DCHS1: variants seen among roughly 807,000 people sequenced by gnomAD.
DCHS1 encodes protocadherin-16.
A neutral mutation model predicts 213.9 loss-of-function variants in DCHS1; 78 were observed. The observed-to-expected ratio is 0.36, with a 90% confidence interval of 0.30 to 0.44. The LOEUF (loss-of-function observed/expected upper bound fraction) is 0.44, where lower values mean the gene tolerates loss of function less well. Among genes scored for constraint, DCHS1 ranks in the 20% least tolerant of loss-of-function variants. DCHS1 has a pLI of 1.00. For missense variants in DCHS1, 3,946 were observed against 4,395.9 expected (o/e 0.90, Z 2.89); for synonymous variants, 1,828 against 1,873.7 (o/e 0.98, Z 0.63).
rs753851501 is a variant in DCHS1 at position 6,626,662 on chromosome 11, G to T, written c.6254C>A (p.Thr2085Asn). Reference protein sequence around the residue: ...ATIRENAPPGTPIVSPRAVHA... With the variant: ...ATIRENAPPGNPIVSPRAVHA... ...GACGGCCCTGGGGGAGACAATAGGA[G>T]TCCCTGCAGAAAGAACGGTATTGTT... Residue 2085 changes from threonine (T) to asparagine (N), a missense_variant, in exon 15 of 21, where the codon ACT becomes AAT. Physicochemically the swap from Thr to Asn is moderately conservative, Grantham distance 65. Transcript: ENST00000299441. The surrounding 1 kb of genome is among the most constrained non-coding windows in gnomAD (Gnocchi z 5.2). The T allele has an allele frequency of 6.8e-6, 11 of 1,613,884 alleles. No homozygotes were observed. Among genetic ancestry groups the T allele is most frequent in the Non-Finnish European group, 9.3e-6 (11 of 1,179,838 alleles).
intron 10 of DCHS1, 30 bp from the exon 11 acceptor site, chr11:6,629,941 G>C (rs747469308): frequency 6.8e-6 from 11 of 1,606,328 alleles, no homozygotes; most frequent in African/African-American, 1.3e-5. Flanking sequence ...GGTTGGTGGG[G>C]ACCCCAACAC....
chr11:6,622,828 C>G lies in DCHS1; in HGVS notation c.8848G>C (p.Val2950Leu), dbSNP rs1403716331. 8.2e-6 allele frequency: 13 copies of G among 1,594,894 alleles called. No homozygotes were observed. The highest frequency in any genetic ancestry group is 1.7e-4 in the Middle Eastern group (1 of 6,058). Residue 2950 changes from valine to leucine, a missense_variant, in exon 21 of 21, where the codon GTG (valine) becomes CTG (leucine). Coordinates refer to ENST00000299441, the MANE Select transcript of DCHS1 (RefSeq NM_003737.4). The surrounding 1 kb of genome is among the most constrained non-coding windows in gnomAD (Gnocchi z 5.4). ...AVAASLGVVV[V>L]LALAALVLGL... ...AGGACCAGGGCTGCCAGTGCAAGCA[C>G]CACCACAACTCCCAAGGAGGCTGCC...
chr11:6,632,187 G>A lies in DCHS1; in HGVS notation c.3325C>T (p.Pro1109Ser). 6.2e-7 allele frequency: 1 copy of A among 1,601,842 alleles called. No homozygotes were observed. The highest frequency in any genetic ancestry group is 8.5e-7 in the Non-Finnish European group (1 of 1,170,934). Reference sequence around the variant, plus strand: ...TTCTCAGCCACAGCCAGGAAGGTGGGATCCTCAGACAAGCGGGGACTGTGT... The same window carrying A: ...TTCTCAGCCACAGCCAGGAAGGTGGAATCCTCAGACAAGCGGGGACTGTGT... ...NEHSPRLSEDPTFLAVAENQP... is the reference protein window; with the variant it reads ...NEHSPRLSEDSTFLAVAENQP... The change falls in exon 6 of 21, where the codon CCC becomes TCC. Residue 1109 changes from proline (P) to serine (S), a missense_variant. This residue lies in a region of DCHS1 where 3,384 missense variants were observed against 3,780.1 expected (regional missense o/e 0.90). Coordinates refer to ENST00000299441, the MANE Select transcript of DCHS1 (RefSeq NM_003737.4). This position sits in a 1 kb window ranked among gnomAD's most constrained non-coding sequence, Gnocchi z 5.9.
chr11:6,655,056 TCA>T (rs1455060048), intron 1 of DCHS1, among the ~76,000 whole-genome samples: 1 of 151,942 alleles, frequency 6.6e-6, no homozygotes, highest in African/African-American at 2.4e-5. Context: ...TTCTCCCCAC[TCA>T]GTTTCTTTGT....
Position 6,630,489 on chromosome 11 carries a change from G to C in DCHS1, c.4305C>G (p.Ala1435=). 1 of 1,536,372 alleles carries C rather than the reference G, an allele frequency of 6.5e-7. No homozygotes were observed. Among genetic ancestry groups the C allele is most frequent in the Non-Finnish European group, 8.7e-7 (1 of 1,147,738 alleles). The change falls in exon 10 of 21, where the codon GCC becomes GCG. Residue 1435 remains alanine, a synonymous_variant. Transcript: ENST00000299441. The part of the protein sequence containing the change: ...QVQDENEHAP[A]FARDPLALAL... Reference sequence around the variant, plus strand: ...CCAGCGCCAGCGGGTCGCGCGCAAAGGCGGGCGCATGCTCATTCTCGTCCT... The same window carrying C: ...CCAGCGCCAGCGGGTCGCGCGCAAACGCGGGCGCATGCTCATTCTCGTCCT...
chr11:6,642,453 C>A (rs1018966039), intron 1 of DCHS1, among the ~76,000 whole-genome samples: 3 of 152,196 alleles, frequency 2.0e-5, no homozygotes, highest in South Asian at 2.1e-4. Context: ...TCAGGGAGTC[C>A]GTGTTTTGCC....
Position 6,626,811 on chromosome 11 carries a change from C to T in DCHS1, c.6228G>A (p.Thr2076=), listed in dbSNP as rs771508848. Residue 2076 remains threonine, a synonymous_variant, in exon 14 of 21, where the codon ACG becomes ACA. Coordinates refer to ENST00000299441, the MANE Select transcript of DCHS1 (RefSeq NM_003737.4). The surrounding 1 kb of genome is among the most constrained non-coding windows in gnomAD (Gnocchi z 5.2). ...CACCTGGGGGCGCATTCTCACGAATCGTAGCCTCACTGCTAGCCCGGGGAA... is the reference window on the plus strand; with the variant it reads ...CACCTGGGGGCGCATTCTCACGAATTGTAGCCTCACTGCTAGCCCGGGGAA... ...PRFPRASSEA[T]IRENAPPGTP... 12 of 1,612,788 alleles carry T rather than the reference C, an allele frequency of 7.4e-6. No homozygotes were observed. Among genetic ancestry groups the T allele is most frequent in the South Asian group, 2.2e-5 (2 of 91,076 alleles).
In DCHS1 at chr11:6,641,047, C is replaced by A. The variant is rs1287130494; in HGVS notation, c.567G>T (p.Glu189Asp). ...GYALSGDGAG[E>D]TFRLETRPGP... ...CGGGGCGTGTCTCCAGCCGGAAGGT[C>A]TCTCCAGCCCCATCACCAGATAGCG... is the stretch of plus-strand genomic sequence containing the variant. The change falls in exon 2 of 21, where the codon GAG (glutamate) becomes GAT (aspartate). Residue 189 changes from glutamate (E) to aspartate (D), a missense_variant. Glu to Asp is a conservative substitution (Grantham distance 45). Coordinates refer to ENST00000299441, the MANE Select transcript of DCHS1 (RefSeq NM_003737.4). This position sits in a 1 kb window ranked among gnomAD's most constrained non-coding sequence, Gnocchi z 7.1. The A allele has an allele frequency of 3.1e-6, 5 of 1,614,008 alleles. No individual in the cohort carries two copies. Among genetic ancestry groups the A allele is most frequent in the Non-Finnish European group, 4.2e-6 (5 of 1,179,888 alleles).
intron 1 of DCHS1, among the ~76,000 whole-genome samples, chr11:6,649,996 T>G (rs1856221618): frequency 6.6e-6 from 1 of 152,102 alleles, no homozygotes; most frequent in Non-Finnish European, 1.5e-5. Context: ...ACAACTCTCT[T>G]AAGGAGATAC....
chr11:6,628,540 C>T lies in DCHS1; in HGVS notation c.5371+81G>A, dbSNP rs916019787. 9.3e-6 allele frequency: 14 copies of T among 1,508,348 alleles called. No homozygotes were observed. In the African/African-American group the frequency reaches 1.6e-4, roughly 18 times the overall value. 93.4% of individuals were successfully genotyped at this position (1,508,348 alleles called of 1,614,324 possible). On this transcript the variant is annotated intron_variant, in intron 13 of 20. Coordinates refer to ENST00000299441, the MANE Select transcript of DCHS1 (RefSeq NM_003737.4). This position sits in a 1 kb window ranked among gnomAD's most constrained non-coding sequence, Gnocchi z 4.3. ...AGGGAAAAGGAGACCCAGACACATG[C>T]ACTGAGGCTGACAGCAGCCAAGAAG...
chr11:6,624,314 T>G lies in DCHS1; in HGVS notation c.7362A>C (p.Ala2454=), dbSNP rs1564859935. 6.3e-7 allele frequency: 1 copy of G among 1,585,346 alleles called. No individual in the cohort carries two copies. Among genetic ancestry groups the G allele is most frequent in the Non-Finnish European group, 8.6e-7 (1 of 1,166,706 alleles). The change falls in exon 21 of 21, where the codon GCA becomes GCC. Residue 2454 remains alanine (A), a synonymous_variant. Coordinates refer to ENST00000299441, the MANE Select transcript of DCHS1 (RefSeq NM_003737.4). ...CCCGGCCTGGAGCCCCGTGGTCTCG[T>G]GCTTCCAGCACCACATCCACTGCTC... ...GSGAVDVVLE[A]RDHGAPGRAA... is the part of the protein sequence containing the mutation.
rs774522684 is a variant in DCHS1 at position 6,641,437 on chromosome 11, T to C, written c.177A>G (p.Thr59=). The C allele has an allele frequency of 8.1e-6, 13 of 1,610,104 alleles. No homozygotes were observed. In the Admixed American group the frequency reaches 2.0e-4, roughly 25 times the overall value. ...GCCCCGCACTGATGTCGCCAATCAG[T>C]GTACCCGCTGGCTGCTCCTCATCAA... ...LQIDEEQPAG[T]LIGDISAGLP... is the part of the protein sequence containing the mutation. The change falls in exon 2 of 21, where the codon ACA becomes ACG. Residue 59 remains threonine (T), a synonymous_variant. Coordinates refer to ENST00000299441, the MANE Select transcript of DCHS1 (RefSeq NM_003737.4). The surrounding 1 kb of genome is among the most constrained non-coding windows in gnomAD (Gnocchi z 7.1).
At chr11:6,629,613 A>G in intron 11 of DCHS1, 36 bp from the exon 12 acceptor site, 1 of 1,613,244 alleles carries the variant, frequency 6.2e-7, no homozygotes, top group East Asian at 2.2e-5. Context: ...ATCAGAGGGT[A>G]AAAATGCTGT....
Position 6,624,139 on chromosome 11 carries a change from G to A in DCHS1, c.7537C>T (p.Arg2513Cys), listed in dbSNP as rs199521286. 1.5e-5 allele frequency: 24 copies of A among 1,611,848 alleles called. No individual in the cohort carries two copies. Among genetic ancestry groups the A allele is most frequent in the African/African-American group, 1.2e-4 (9 of 75,044 alleles). The part of the protein sequence containing the change: ...TLEATDADGS[R>C]SHAAVDYSII... ...CTGTAGTCCACAGCGGCATGGCTGC[G>A]GCTTCCATCAGCATCTGTAGCCTCC... The change falls in exon 21 of 21, where the codon CGC becomes TGC. Residue 2513 changes from arginine to cysteine, a missense_variant. Coordinates refer to ENST00000299441, the MANE Select transcript of DCHS1 (RefSeq NM_003737.4).
At position 6,626,366 on chromosome 11, in the gene DCHS1, G is replaced by C. The variant is rs774722401; in HGVS notation, c.6379C>G (p.Arg2127Gly). Residue 2127 changes from arginine to glycine, a missense_variant, in exon 16 of 21, where the codon CGC (arginine) becomes GGC (glycine). Coordinates refer to ENST00000299441, the MANE Select transcript of DCHS1 (RefSeq NM_003737.4). This position sits in a 1 kb window ranked among gnomAD's most constrained non-coding sequence, Gnocchi z 5.2. ...IQPSTGAITV[R>G]SAEGLDFEVS... is the part of the protein sequence containing the mutation. ...TCGAAGTCTAGCCCCTCTGCTGAGC[G>C]AACTGTGATGGCACCTGGGCGAGAT... 1.9e-6 allele frequency: 3 copies of C among 1,613,236 alleles called. No individual in the cohort carries two copies. The East Asian group carries it at 6.7e-5, about 36-fold the overall frequency.
chr11:6,628,932 GA>G lies in DCHS1; in HGVS notation c.5162-103del. ...ATGTTCACTAGGTGCACACAAACCA[GA>G]AAATGTCCATCTCTCCATACCTCTC... On this transcript the variant is annotated intron_variant, in intron 12 of 20. Transcript: ENST00000299441. This position sits in a 1 kb window ranked among gnomAD's most constrained non-coding sequence, Gnocchi z 4.3. 1 of 1,257,172 alleles carries G rather than the reference GA, an allele frequency of 8.0e-7. No homozygotes were observed. 77.9% of individuals were successfully genotyped at this position (1,257,172 alleles called of 1,614,324 possible). A position where few individuals can be genotyped will look rare whatever the true frequency, so the allele number is the denominator to read the frequency against.
In DCHS1 at chr11:6,632,577, T is replaced by A; in HGVS notation, c.2935A>T (p.Thr979Ser). The A allele has an allele frequency of 1.3e-6, 2 of 1,502,140 alleles. No individual in the cohort carries two copies. The highest frequency in any genetic ancestry group is 2.6e-5 in the South Asian group (2 of 75,508). The allele number at this position is 1,502,140 out of a possible 1,614,324, so 93.1% of individuals were successfully genotyped here. Residue 979 changes from threonine to serine, a missense_variant, in exon 6 of 21, where the codon ACC becomes TCC. Thr to Ser is a moderately conservative substitution (Grantham distance 58). This residue lies in a region of DCHS1 where 3,384 missense variants were observed against 3,780.1 expected (regional missense o/e 0.90). Coordinates refer to ENST00000299441, the MANE Select transcript of DCHS1 (RefSeq NM_003737.4). This position sits in a 1 kb window ranked among gnomAD's most constrained non-coding sequence, Gnocchi z 5.9. Reference protein sequence around the residue: ...EARDGGSPPRTSHFRLRVVVQ... With the variant: ...EARDGGSPPRSSHFRLRVVVQ... ...ACCACCCGTAGTCGAAAGTGGCTGG[T>A]GCGTGGTGGGGAGCCCCCATCCCGG...
rs1855895503 is a variant in DCHS1, at chr11:6,630,832, G to A, written c.3962C>T (p.Pro1321Leu). 2.6e-6 allele frequency: 4 copies of A among 1,528,918 alleles called. No homozygotes were observed. The highest frequency in any genetic ancestry group is 2.6e-6 in the Non-Finnish European group (3 of 1,134,136). 94.7% of individuals were successfully genotyped at this position (1,528,918 alleles called of 1,614,324 possible). The change falls in exon 10 of 21, where the codon CCC becomes CTC. Residue 1321 changes from proline to leucine, a missense_variant. Physicochemically the swap from Pro to Leu is moderately conservative, Grantham distance 98. Transcript: ENST00000299441. ...VLPSARLAEP[P>L]PDLAERDPAA... ...TGGGTCCCGCTCTGCGAGATCTGGG[G>A]GCGGCTCGGCCAAGCGAGCTGAGGG... is the stretch of plus-strand genomic sequence containing the variant.
In DCHS1 at chr11:6,627,473, G is replaced by A; in HGVS notation, c.5566C>T (p.Pro1856Ser). ...ACCTCCACCGAGTAGGCAGGCACAG[G>A]AAAGGCTGGAGCATGGTCATTGGCA... is the stretch of plus-strand genomic sequence containing the variant. The part of the protein sequence containing the change: ...LDANDHAPAF[P>S]VPAYSVEVPE... Residue 1856 changes from proline to serine, a missense_variant, in exon 14 of 21, where the codon CCT becomes TCT. By Grantham distance (74) the Pro-to-Ser change is moderately conservative. Coordinates refer to ENST00000299441, the MANE Select transcript of DCHS1 (RefSeq NM_003737.4). This position sits in a 1 kb window ranked among gnomAD's most constrained non-coding sequence, Gnocchi z 5.4. The A allele has an allele frequency of 1.2e-6, 2 of 1,611,478 alleles. No individual in the cohort carries two copies. The highest frequency in any genetic ancestry group is 1.7e-6 in the Non-Finnish European group (2 of 1,178,912).
Sources: allele counts gnomAD v4.1 joint callset (sites outside exome capture counted in the v4.1 genomes callset), GRCh38; gene constraint gnomAD v4.1.1; regional missense constraint gnomAD v4.1.1; non-coding constraint Gnocchi (gnomAD v3.1); transcripts MANE v1.5; gene names NCBI Gene and HGNC (gene_info 2026-07-23, HGNC 2026-07-21).